The following DOCK3 variants were observed in gnomAD, a reference collection of about 807,000 sequenced individuals.
DOCK3 encodes dedicator of cytokinesis protein 3.
A neutral mutation model predicts 265.6 loss-of-function variants in DOCK3; 60 were observed. The observed-to-expected ratio is 0.23, with a 90% CI of 0.18 to 0.28. The LOEUF is 0.28. Ranked by LOEUF, DOCK3 falls within the 10% of genes least tolerant of loss-of-function variation. The probability of loss-of-function intolerance (pLI) is 1.00; values close to 1 mark genes in which losing one functional copy is unlikely to be tolerated. For missense variants in DOCK3, 1,981 were observed against 2,594.3 expected (o/e 0.76, Z 5.14); for synonymous variants, 881 against 938.0 (o/e 0.94, Z 1.11).
intron 9 of DOCK3, among the ~76,000 whole-genome samples, chr3:51,101,171 A>T (rs1331260498): frequency 3.0e-5 from 4 of 133,762 alleles, no homozygotes; most frequent in Non-Finnish European, 6.1e-5. Flanking sequence ...CGGACTGCGG[A>T]CTGCAGTGGC....
chr3:51,172,959 T>C (rs2086759786), intron 12 of DOCK3, among the ~76,000 whole-genome samples: 1 of 152,248 alleles, frequency 6.6e-6, no homozygotes. Flanking sequence ...TTTATGTCAC[T>C]GTTTACATAT....
intron 2 of DOCK3, among the ~76,000 whole-genome samples, chr3:50,825,611 G>A (rs2044713282): frequency 1.3e-5 from 2 of 152,070 alleles, no homozygotes; most frequent in African/African-American, 2.4e-5. Context: ...AACTGGGTGG[G>A]GGGCAGTTAA....
At chr3:51,363,895 A>G (rs1373767983) in intron 49 of DOCK3, among the ~76,000 whole-genome samples, 1 of 152,254 alleles carries the variant, frequency 6.6e-6, no homozygotes, top group Non-Finnish European at 1.5e-5. Flanking sequence ...ATTGATGGAC[A>G]CTTGGGTTGG....
intron 5 of DOCK3, among the ~76,000 whole-genome samples, chr3:50,961,842 G>A (rs958885405): frequency 1.3e-5 from 2 of 151,964 alleles, no homozygotes; most frequent in Non-Finnish European, 2.9e-5. Context: ...GTTTAGTATG[G>A]TATGTATGAA....
chr3:51,343,005 G>C (rs1210632885), intron 38 of DOCK3, among the ~76,000 whole-genome samples: 1 of 152,150 alleles, frequency 6.6e-6, no homozygotes, highest in Non-Finnish European at 1.5e-5. Flanking sequence ...TACCTTGTCT[G>C]TTCCTGTGCC....
At chr3:51,341,713 G>T (rs1560468184) in intron 38 of DOCK3, among the ~76,000 whole-genome samples, 1 of 152,248 alleles carries the variant, frequency 6.6e-6, no homozygotes, top group East Asian at 1.9e-4. Flanking sequence ...TTTACTTAAA[G>T]AACTGATACG....
chr3:51,116,536 C>A (rs1242121442), intron 9 of DOCK3, among the ~76,000 whole-genome samples: 1 of 149,188 alleles, frequency 6.7e-6, no homozygotes, highest in Non-Finnish European at 1.5e-5. Flanking sequence ...AGCATTGAAT[C>A]TATGAATTAC....
At chr3:51,266,735 T>A (rs561774692) in intron 23 of DOCK3, among the ~76,000 whole-genome samples, 1 of 151,750 alleles carries the variant, frequency 6.6e-6, no homozygotes, top group Non-Finnish European at 1.5e-5. Context: ...TACAAGAAAA[T>A]CTAGGCAATA....
intron 1 of DOCK3, among the ~76,000 whole-genome samples, chr3:50,681,243 A>T (rs2034384645): frequency 6.6e-6 from 1 of 152,242 alleles, no homozygotes; most frequent in Non-Finnish European, 1.5e-5. Context: ...TATTAGATGC[A>T]TTCTGAAGCA....
At chr3:51,339,751 C>G (rs547582414) in intron 37 of DOCK3, among the ~76,000 whole-genome samples, 11 of 152,188 alleles carry the variant, frequency 7.2e-5, no homozygotes, top group African/African-American at 2.4e-5. Flanking sequence ...ATCGTTCCCC[C>G]CAAAGAGCCA....
rs544844231 is a variant in DOCK3 at position 51,124,148 on chromosome 3, G to A, written c.747-22401G>A. 2.5e-4 allele frequency among the ~76,000 whole-genome samples: 38 copies of A among 152,228 alleles called. No individual in the cohort carries two copies. In the South Asian group the frequency reaches 5.0e-3, roughly 20 times the overall value. ...ACATCCTTCCTCCAGCCCAAGAACCGCACCTGTGTATCCTCATCTCAGTGC... is the reference window on the plus strand; with the variant it reads ...ACATCCTTCCTCCAGCCCAAGAACCACACCTGTGTATCCTCATCTCAGTGC... On this transcript the variant is annotated intron_variant, in intron 9 of 52. Coordinates refer to ENST00000266037, the MANE Select transcript of DOCK3 (RefSeq NM_004947.5).
intron 5 of DOCK3, among the ~76,000 whole-genome samples, chr3:50,951,800 AAT>A (rs1174344032): frequency 1.3e-5 from 2 of 152,118 alleles, no homozygotes; most frequent in Non-Finnish European, 2.9e-5. Context: ...TGAAAAAAAA[AAT>A]AATACATAAG....
chr3:50,931,435 A>T (rs978783747), intron 4 of DOCK3, among the ~76,000 whole-genome samples: 2 of 152,166 alleles, frequency 1.3e-5, no homozygotes, highest in African/African-American at 4.8e-5. Flanking sequence ...GATTGTTTCT[A>T]TACATCTCCT....
intron 4 of DOCK3, among the ~76,000 whole-genome samples, chr3:50,892,463 C>A (rs951791995): frequency 6.6e-6 from 1 of 152,068 alleles, no homozygotes; most frequent in African/African-American, 2.4e-5. Flanking sequence ...CTAAGAAGAG[C>A]AATTTCACTC....
chr3:51,250,269 T>TA (rs200311513), intron 22 of DOCK3, among the ~76,000 whole-genome samples: 10 of 136,204 alleles, frequency 7.3e-5, no homozygotes, highest in African/African-American at 1.1e-4. Flanking sequence ...GAATGATCAA[T>TA]AAAAAAAAAA....
At chr3:50,729,818 A>C (rs1353355929) in intron 1 of DOCK3, among the ~76,000 whole-genome samples, 1 of 148,706 alleles carries the variant, frequency 6.7e-6, no homozygotes, top group African/African-American at 2.5e-5. Context: ...GCCTGCTCTG[A>C]ATTTCATTTT....
intron 51 of DOCK3, among the ~76,000 whole-genome samples, chr3:51,378,565 C>T (rs1369411664): frequency 6.6e-6 from 1 of 152,210 alleles, no homozygotes; most frequent in Non-Finnish European, 1.5e-5. Flanking sequence ...GATTGTGAGC[C>T]GCTTCTCTGC....
At chr3:50,905,165 C>A (rs1339450341) in intron 4 of DOCK3, among the ~76,000 whole-genome samples, 1 of 152,052 alleles carries the variant, frequency 6.6e-6, no homozygotes, top group South Asian at 2.1e-4. Flanking sequence ...GTTACTGCAG[C>A]CTTGTAGTAT....
intron 9 of DOCK3, among the ~76,000 whole-genome samples, chr3:51,096,247 T>G (rs1182761519): frequency 6.6e-6 from 1 of 152,194 alleles, no homozygotes; most frequent in Non-Finnish European, 1.5e-5. Flanking sequence ...TTGGTTCCAT[T>G]CTCCCCGTCA....
Sources: gnomAD v4.1 joint callset for allele counts (sites outside exome capture counted in the v4.1 genomes callset) on GRCh38, gnomAD v4.1.1 for gene constraint, MANE v1.5 for transcripts, NCBI Gene and HGNC (gene_info 2026-07-23, HGNC 2026-07-21) for gene names.